Variants in SYT1 observed in about 807,000 individuals in gnomAD.
SYT1 encodes the protein synaptotagmin 1, also known as synaptotagmin-1.
In SYT1, 8 loss-of-function variants were observed where a neutral mutation model predicts 44.8. The observed-to-expected ratio is 0.18, with a 90% confidence interval of 0.10 to 0.32. The LOEUF is 0.32. Among genes scored for constraint, SYT1 ranks in the 10% least tolerant of loss-of-function variants. The pLI is 1.00. For synonymous variants in SYT1, 154 were observed against 188.8 expected (o/e 0.82, Z 1.51); for missense variants, 286 against 509.3 (o/e 0.56, Z 4.22).
rs112148634 is a variant in SYT1, at chr12:78,956,173, T to C, written c.-216-21626T>C. ...CTTAGTAATAATGGAGTACCAACAT[T>C]GACAGAATGACTGGTATGGGGGGGC... On this transcript the variant is annotated intron_variant, in intron 1 of 10. Coordinates refer to ENST00000261205, the MANE Select transcript of SYT1 (RefSeq NM_005639.3). 2.9e-3 allele frequency among the ~76,000 whole-genome samples: 445 copies of C among 152,110 alleles called. 3 individuals carry two copies. The highest frequency in any genetic ancestry group is 0.01 in the African/African-American group (418 of 41,518).
At chr12:79,069,747 G>A (rs1475242694) in intron 3 of SYT1, among the ~76,000 whole-genome samples, 1 of 152,004 alleles carries the variant, frequency 6.6e-6, no homozygotes, top group Admixed American at 6.6e-5. Flanking sequence ...CTGGATCTCA[G>A]TCCTCTTGGC....
chr12:78,914,582 TAGAG>T (rs1008498011), intron 1 of SYT1, among the ~76,000 whole-genome samples: 3 of 151,992 alleles, frequency 2.0e-5, no homozygotes, highest in African/African-American at 4.8e-5. Context: ...GGTAGATCGA[TAGAG>T]AGACAGATGT....
chr12:79,340,773 A>T (rs1033885613), intron 8 of SYT1, among the ~76,000 whole-genome samples: 3 of 152,194 alleles, frequency 2.0e-5, no homozygotes, highest in African/African-American at 7.2e-5. Flanking sequence ...GGACCCATAG[A>T]GATCTAAAGC....
At chr12:79,404,431 C>T (rs375627831) in intron 9 of SYT1, among the ~76,000 whole-genome samples, 2 of 152,138 alleles carry the variant, frequency 1.3e-5, no homozygotes, top group African/African-American at 4.8e-5. Flanking sequence ...ATTAAACAAG[C>T]CTCTCCCCCA....
chr12:79,063,936 C>A (rs985563958), intron 3 of SYT1, among the ~76,000 whole-genome samples: 1 of 152,128 alleles, frequency 6.6e-6, no homozygotes, highest in Admixed American at 6.6e-5. Flanking sequence ...ATTGGTTTCT[C>A]CCTCTCTTCT....
intron 1 of SYT1, among the ~76,000 whole-genome samples, chr12:78,902,453 A>C (rs1457775230): frequency 6.6e-6 from 1 of 152,270 alleles, no homozygotes; most frequent in Middle Eastern, 3.4e-3. Context: ...ATAAACAGCC[A>C]TCTACCAGTG....
At chr12:78,890,308 A>C (rs1874979558) in intron 1 of SYT1, among the ~76,000 whole-genome samples, 1 of 151,874 alleles carries the variant, frequency 6.6e-6, no homozygotes, top group East Asian at 1.9e-4. Flanking sequence ...GAGGGAAAGA[A>C]CCTTAGATCC....
At chr12:79,016,373 G>A (rs558971270) in intron 2 of SYT1, among the ~76,000 whole-genome samples, 15 of 152,190 alleles carry the variant, frequency 9.9e-5, no homozygotes, top group African/African-American at 3.6e-4. Context: ...CTTTCCTTTG[G>A]AGTCACATGG....
chr12:79,005,634 T>C (rs7954187), intron 2 of SYT1, among the ~76,000 whole-genome samples: 11,960 of 152,096 alleles, frequency 0.079, 627 homozygotes, highest in East Asian at 0.15. Flanking sequence ...ATACTAGACA[T>C]GGTCCTTAAT....
At chr12:79,075,327 TTCTC>T (rs147649986) in intron 3 of SYT1, among the ~76,000 whole-genome samples, 1 of 151,248 alleles carries the variant, frequency 6.6e-6, no homozygotes, top group African/African-American at 2.4e-5. Context: ...TCACTACAAC[TTCTC>T]TCTCTCTCTC....
chr12:78,929,862 A>G (rs1239366478), intron 1 of SYT1, among the ~76,000 whole-genome samples: 1 of 152,176 alleles, frequency 6.6e-6, no homozygotes, highest in Non-Finnish European at 1.5e-5. Context: ...AGATACTTAT[A>G]ATTGAGAAAG....
At chr12:78,908,290 C>T (rs1174370624) in intron 1 of SYT1, among the ~76,000 whole-genome samples, 1 of 151,902 alleles carries the variant, frequency 6.6e-6, no homozygotes, top group African/African-American at 2.4e-5. Context: ...TTTCCCATTT[C>T]TAAGCACAGA....
At chr12:79,326,507 G>C (rs1315564986) in intron 8 of SYT1, among the ~76,000 whole-genome samples, 1 of 152,102 alleles carries the variant, frequency 6.6e-6, no homozygotes, top group Non-Finnish European at 1.5e-5. Context: ...CAAACTTAGG[G>C]GGTTGTTCTT....
At chr12:79,259,052 G>A (rs756027822) in intron 4 of SYT1, among the ~76,000 whole-genome samples, 18 of 152,164 alleles carry the variant, frequency 1.2e-4, no homozygotes, top group Admixed American at 7.2e-4. Flanking sequence ...TGAGGTTTTG[G>A]TGATGAAGAA....
intron 9 of SYT1, among the ~76,000 whole-genome samples, chr12:79,417,558 A>G (rs1036595702): frequency 1.5e-4 from 23 of 152,104 alleles, no homozygotes; most frequent in African/African-American, 5.3e-4. Flanking sequence ...CTCCTGTTTA[A>G]AATATTTAAT....
chr12:78,898,308 A>G (rs371208326), intron 1 of SYT1, among the ~76,000 whole-genome samples: 1 of 152,040 alleles, frequency 6.6e-6, no homozygotes, highest in Non-Finnish European at 1.5e-5. Context: ...CCTTGTTGTT[A>G]TCTTAGATAG....
At chr12:78,868,955 G>T (rs1377467166) in intron 1 of SYT1, 1 of 151,790 alleles carries the variant, frequency 6.6e-6, no homozygotes, top group Non-Finnish European at 1.5e-5. Flanking sequence ...ATTTAGATAT[G>T]ATGGCTGATA....
At chr12:78,976,628 AGT>A (rs1164569689) in intron 1 of SYT1, 1 of 152,218 alleles carries the variant, frequency 6.6e-6, no homozygotes, top group African/African-American at 2.4e-5. Flanking sequence ...CAAATAACAG[AGT>A]GTTGCCATGT....
At chr12:78,867,663 C>G (rs986100457) in intron 1 of SYT1, among the ~76,000 whole-genome samples, 3 of 151,984 alleles carry the variant, frequency 2.0e-5, no homozygotes, top group African/African-American at 7.2e-5. Context: ...AGGGAAAATC[C>G]TAAAATACTA....
Sources: allele counts gnomAD v4.1 joint callset (sites outside exome capture counted in the v4.1 genomes callset), GRCh38; gene constraint gnomAD v4.1.1; transcripts MANE v1.5; gene names NCBI Gene and HGNC (gene_info 2026-07-23, HGNC 2026-07-21).